SCN8A: variants seen among roughly 807,000 people sequenced by gnomAD.
SCN8A encodes sodium voltage-gated channel alpha subunit 8.
SCN8A carries 30 observed loss-of-function variants against 184.1 expected under a neutral mutation model. That is an observed-to-expected ratio of 0.16 (90% CI 0.12 to 0.22). SCN8A has a LOEUF of 0.22. Ranked by LOEUF, SCN8A falls within the 10% of genes least tolerant of loss-of-function variation. SCN8A has a pLI of 1.00. For synonymous variants in SCN8A, 852 were observed against 907.0 expected (o/e 0.94, Z 1.09); for missense variants, 1,057 against 2,498.9 (o/e 0.42, Z 12.30).
intron 1 of SCN8A, among the ~76,000 whole-genome samples, chr12:51,608,232 C>T (rs1939641472): frequency 6.6e-6 from 1 of 151,854 alleles, no homozygotes. Flanking sequence ...CCATGGTCTC[C>T]ATCTCCTGAC....
rs188300000 is a variant in SCN8A, at chr12:51,602,892, A to G, written c.-55+11533A>G. On this transcript the variant is annotated intron_variant, in intron 1 of 26. Transcript: ENST00000627620. The stretch of plus-strand genomic sequence containing the variant: ...AAGCTCAATAAAACTAATATTTGAA[A>G]AGATTTTGAAGTTCTAGCTCATGAA... Among the ~76,000 whole-genome samples, 150 of 152,320 alleles carry G rather than the reference A, an allele frequency of 9.8e-4. 3 individuals are homozygous for G. Among genetic ancestry groups the G allele is most frequent in the African/African-American group, 3.3e-3 (136 of 41,570 alleles).
intron 1 of SCN8A, among the ~76,000 whole-genome samples, chr12:51,660,298 G>C (rs1452681857): frequency 1.3e-5 from 2 of 152,240 alleles, no homozygotes; most frequent in Non-Finnish European, 2.9e-5. Context: ...TGAAAGCAAA[G>C]ACAGAGAACT....
At chr12:51,684,335 G>C in intron 3 of SCN8A, 43 bp downstream of exon 3, 1 of 936,416 alleles carries the variant, frequency 1.1e-6, no homozygotes, top group Non-Finnish European at 1.8e-6. Flanking sequence ...GCAATTGCAT[G>C]GTTGCTTGTT....
chr12:51,721,495 A>G, intron 11 of SCN8A, 51 bp from the exon 12 acceptor site: 3 of 1,521,096 alleles, frequency 2.0e-6, no homozygotes, highest in East Asian at 4.8e-5. Context: ...AAAGGTCCAC[A>G]CTCCCGTCTC....
intron 23 of SCN8A, 145 bp downstream of exon 23, chr12:51,788,893 T>C: frequency 1.6e-6 from 1 of 630,830 alleles, no homozygotes. Context: ...GCTTGTGTTA[T>C]TGATTATAGA....
chr12:51,606,396 G>A (rs1487528790), intron 1 of SCN8A, among the ~76,000 whole-genome samples: 1 of 152,148 alleles, frequency 6.6e-6, no homozygotes, highest in African/African-American at 2.4e-5. Flanking sequence ...TCAGTTGGCT[G>A]TAAGTATTTG....
intron 1 of SCN8A, among the ~76,000 whole-genome samples, chr12:51,607,488 C>A (rs1408548635): frequency 3.3e-5 from 5 of 152,122 alleles, no homozygotes; most frequent in African/African-American, 1.2e-4. Context: ...TGAGAGTAGG[C>A]ATCCTTGTCT....
intron 1 of SCN8A, among the ~76,000 whole-genome samples, chr12:51,622,593 G>T (rs1939986712): frequency 1.3e-5 from 2 of 152,176 alleles, no homozygotes; most frequent in Non-Finnish European, 2.9e-5. Flanking sequence ...TACTACAGAG[G>T]TGAAGTGCCT....
chr12:51,668,466 C>G (rs1358688928), intron 2 of SCN8A, among the ~76,000 whole-genome samples: 1 of 152,164 alleles, frequency 6.6e-6, no homozygotes, highest in Non-Finnish European at 1.5e-5. Flanking sequence ...CCCCACTTTT[C>G]TAATTTTTTA....
rs1942972752 is a variant in SCN8A, at chr12:51,774,185, T to G, written c.3646-4T>G. On this transcript the variant is annotated splice_region_variant and splice_polypyrimidine_tract_variant and intron_variant, in intron 19 of 26. Coordinates refer to ENST00000627620, the MANE Select transcript of SCN8A (RefSeq NM_001330260.2). Reference sequence around the variant, plus strand: ...GTCATAGGCAGCTGCTGCCTCTCTTTTAGGCCTTCGAGGACATCTACATTG... The same window carrying G: ...GTCATAGGCAGCTGCTGCCTCTCTTGTAGGCCTTCGAGGACATCTACATTG... 2 of 1,612,974 alleles carry G rather than the reference T, an allele frequency of 1.2e-6. No homozygotes were observed. The highest frequency in any genetic ancestry group is 1.1e-5 in the South Asian group (1 of 91,000).
Position 51,807,062 on chromosome 12 carries a change from G to C in SCN8A, c.5576G>C (p.Ser1859Thr). The change falls in exon 27 of 27, where the codon AGC becomes ACC. Residue 1859 changes from serine to threonine, a missense_variant. Around this residue, in one of 19 missense-constraint regions of SCN8A, gnomAD observed 50 missense variants for 125.8 expected, o/e 0.40. Transcript: ENST00000627620. The surrounding 1 kb of genome is among the most constrained non-coding windows in gnomAD (Gnocchi z 4.5). Reference protein sequence around the residue: ...FAFTKRVLGDSGELDILRQQM... With the variant: ...FAFTKRVLGDTGELDILRQQM... ...TTCACCAAGCGGGTCCTGGGAGATA[G>C]CGGGGAGTTGGACATCCTGCGGCAG... The C allele has an allele frequency of 6.2e-7, 1 of 1,614,052 alleles. No homozygotes were observed. The highest frequency in any genetic ancestry group is 1.1e-5 in the South Asian group (1 of 91,086).
intron 26 of SCN8A, among the ~76,000 whole-genome samples, chr12:51,805,482 A>ATT (rs1233080346): frequency 6.6e-6 from 1 of 151,864 alleles, no homozygotes; most frequent in African/African-American, 2.4e-5. Flanking sequence ...ATAGTAGGAA[A>ATT]TTATATATAT....
intron 11 of SCN8A, among the ~76,000 whole-genome samples, chr12:51,712,188 T>TA (rs1444183367): frequency 1.3e-5 from 2 of 152,120 alleles, no homozygotes; most frequent in Non-Finnish European, 2.9e-5. Flanking sequence ...CTACAACAGA[T>TA]AAAAAACCTC....
chr12:51,786,016 C>T (rs1357264653), intron 21 of SCN8A, among the ~76,000 whole-genome samples: 1 of 152,096 alleles, frequency 6.6e-6, no homozygotes, highest in Non-Finnish European at 1.5e-5. Context: ...TATGCATGCT[C>T]AGCTATTGCC....
chr12:51,645,210 GT>G (rs1331466369), intron 1 of SCN8A, among the ~76,000 whole-genome samples: 1 of 143,618 alleles, frequency 7.0e-6, no homozygotes, highest in Non-Finnish European at 1.5e-5. Flanking sequence ...AGGTGGGGGG[GT>G]CAGCCCCCCG....
At chr12:51,762,349 G>A (rs951689165) in intron 14 of SCN8A, among the ~76,000 whole-genome samples, 154 bp from the exon 15 acceptor site, 22 of 152,162 alleles carry the variant, frequency 1.4e-4, no homozygotes, top group African/African-American at 5.3e-4. Flanking sequence ...CAGGTGGGGT[G>A]CTCATGAGAC....
intron 26 of SCN8A, among the ~76,000 whole-genome samples, chr12:51,798,307 G>C (rs1938463582): frequency 6.6e-6 from 1 of 152,222 alleles, no homozygotes; most frequent in South Asian, 2.1e-4. Context: ...TACCATGATG[G>C]TGGGTAATGC....
intron 13 of SCN8A, among the ~76,000 whole-genome samples, chr12:51,747,121 G>GTGTGTGTGTT (rs1942524766): frequency 6.6e-6 from 1 of 151,558 alleles, no homozygotes; most frequent in African/African-American, 2.4e-5. Context: ...GTGTGTGTGT[G>GTGTGTGTGTT]TGTGTGTGTG....
At chr12:51,733,038 C>T (rs1447380084) in intron 12 of SCN8A, among the ~76,000 whole-genome samples, 21 of 152,060 alleles carry the variant, frequency 1.4e-4, no homozygotes, top group Non-Finnish European at 4.4e-5. Flanking sequence ...GATTTGTGTG[C>T]CCTTTATTTC....
Sources: gnomAD v4.1 joint callset for allele counts (sites outside exome capture counted in the v4.1 genomes callset) on GRCh38, gnomAD v4.1.1 for gene constraint, gnomAD v4.1.1 regional missense constraint, Gnocchi (gnomAD v3.1) non-coding constraint, MANE v1.5 for transcripts, NCBI Gene and HGNC (gene_info 2026-07-23, HGNC 2026-07-21) for gene names.